Variants in ABCB1 observed in about 807,000 individuals in gnomAD.
ABCB1 encodes the protein ATP-dependent translocase ABCB1.
Under a neutral mutation model 142.0 loss-of-function variants are expected in ABCB1, and 69 were observed. That is an observed-to-expected ratio of 0.49 (90% CI 0.40 to 0.59). The LOEUF is 0.59. Ranked by LOEUF, ABCB1 falls within the 20% of genes least tolerant of loss-of-function variation. ABCB1 has a pLI of 0.00. For synonymous variants in ABCB1, 532 were observed against 539.2 expected, an observed-to-expected ratio of 0.99 and a Z score of 0.18; for missense variants, 1,326 against 1,554.7, an observed-to-expected ratio of 0.85 and a Z score of 2.47.
At chr7:87,584,960 C>A (rs937987243) in intron 4 of ABCB1, among the ~76,000 whole-genome samples, 4 of 147,774 alleles carry the variant, frequency 2.7e-5, no homozygotes, top group Admixed American at 2.0e-4. Flanking sequence ...TACCCCCCCA[C>A]ACACACACAC....
intron 1 of ABCB1, among the ~76,000 whole-genome samples, chr7:87,668,770 G>T (rs969387243): frequency 6.6e-6 from 1 of 151,950 alleles, no homozygotes; most frequent in African/African-American, 2.4e-5. Context: ...TTTAATTTCT[G>T]TGTGATTGCA....
intron 3 of ABCB1, 81 bp downstream of exon 3, chr7:87,595,685 T>G: frequency 8.5e-7 from 1 of 1,170,810 alleles, no homozygotes; most frequent in South Asian, 1.3e-5. Flanking sequence ...AAATCTTACA[T>G]CAGATGAAAT....
At chr7:87,610,812 A>G (rs1236861078) in intron 1 of ABCB1, among the ~76,000 whole-genome samples, 1 of 152,136 alleles carries the variant, frequency 6.6e-6, no homozygotes, top group African/African-American at 2.4e-5. Context: ...CTGCCCCCAC[A>G]TTGGCTTCTC....
intron 20 of ABCB1, among the ~76,000 whole-genome samples, chr7:87,534,135 G>A (rs1245536778): frequency 6.6e-6 from 1 of 152,112 alleles, no homozygotes; most frequent in Non-Finnish European, 1.5e-5. Context: ...AACACCAGAG[G>A]AATTTGAGAG....
intron 1 of ABCB1, among the ~76,000 whole-genome samples, chr7:87,699,629 C>A (rs942173336): frequency 7.2e-5 from 11 of 152,202 alleles, no homozygotes; most frequent in Non-Finnish European, 1.5e-4. Flanking sequence ...TGGCCTCGAA[C>A]TCCTGGCCTC....
At chr7:87,710,574 G>C (rs1300532072) in intron 1 of ABCB1, 1 of 1,564,294 alleles carries the variant, frequency 6.4e-7, no homozygotes. Flanking sequence ...TTTTAGGGTA[G>C]AGCCTGGATC....
chr7:87,536,606 C>T, intron 19 of ABCB1, 65 bp from the exon 20 acceptor site: 1 of 1,480,204 alleles, frequency 6.8e-7, no homozygotes, highest in Middle Eastern at 1.7e-4. Flanking sequence ...TCCAAGAGGG[C>T]AGCGATGGGG....
chr7:87,527,144 T>A (rs1324239678), intron 21 of ABCB1, among the ~76,000 whole-genome samples: 1 of 152,214 alleles, frequency 6.6e-6, no homozygotes, highest in East Asian at 1.9e-4. Flanking sequence ...TGACATTTTT[T>A]TAAAGCCAAA....
At chr7:87,709,684 T>C (rs1829897177) in intron 1 of ABCB1, among the ~76,000 whole-genome samples, 1 of 152,186 alleles carries the variant, frequency 6.6e-6, no homozygotes, top group Admixed American at 6.5e-5. Context: ...GAGTATGTTT[T>C]TTCCCTTTCT....
rs200942041 is a variant in ABCB1 at position 87,549,873 on chromosome 7, T to C, written c.1532A>G (p.Asp511Gly). The C allele has an allele frequency of 6.2e-7, 1 of 1,614,198 alleles. No homozygotes were observed. Among genetic ancestry groups the C allele is most frequent in the Middle Eastern group, 1.6e-4 (1 of 6,062 alleles). ...EKAVKEANAY[D>G]FIMKLPHKFD... ...TACATGAGGCAGTTTCATGATAAAG[T>C]CATAGGCATTGGCTTCCTTGACAGC... Residue 511 changes from aspartate to glycine, a missense_variant, in exon 13 of 28, where the codon GAC (aspartate) becomes GGC (glycine). Physicochemically the swap from Asp to Gly is moderately conservative, Grantham distance 94. Transcript: ENST00000622132.
intron 1 of ABCB1, among the ~76,000 whole-genome samples, chr7:87,701,076 AAATGGG>A (rs1828994532): frequency 1.3e-5 from 2 of 152,364 alleles, no homozygotes; most frequent in Admixed American, 1.3e-4. Flanking sequence ...CTGAGTAATA[AAATGGG>A]AAGTATGCAT....
rs1209017436 is a variant in ABCB1 at position 87,549,194 on chromosome 7, T to C, written c.1725+154A>G. Among the ~76,000 whole-genome samples, 1 of 152,180 alleles carries C rather than the reference T, an allele frequency of 6.6e-6. No individual in the cohort carries two copies. Among genetic ancestry groups the C allele is most frequent in the Non-Finnish European group, 1.5e-5 (1 of 68,032 alleles). On this transcript the variant is annotated intron_variant, in intron 14 of 27. Transcript: ENST00000622132. ...AATAAAACAAACAAATAGAAAAAGATTTCAAAGAGGCCCAATGCTTTTATT... is the reference window on the plus strand; with the variant it reads ...AATAAAACAAACAAATAGAAAAAGACTTCAAAGAGGCCCAATGCTTTTATT...
intron 1 of ABCB1, among the ~76,000 whole-genome samples, chr7:87,644,500 AC>A (rs1443054968): frequency 2.0e-5 from 3 of 152,194 alleles, no homozygotes; most frequent in Non-Finnish European, 4.4e-5. Context: ...TCTATTAAAA[AC>A]ATCACTCTTA....
At chr7:87,546,977 A>T (rs1235232827) in intron 14 of ABCB1, among the ~76,000 whole-genome samples, 2 of 152,224 alleles carry the variant, frequency 1.3e-5, no homozygotes, top group Non-Finnish European at 2.9e-5. Context: ...ATCCATAGTT[A>T]GTGATACTTA....
At chr7:87,709,150 C>G (rs776090901) in intron 1 of ABCB1, 20 of 524,228 alleles carry the variant, frequency 3.8e-5, no homozygotes, top group Non-Finnish European at 4.6e-5. Flanking sequence ...CATTCAAATA[C>G]AGGAAACTAA....
chr7:87,541,521 C>T, intron 17 of ABCB1, 57 bp from the exon 18 acceptor site: 1 of 1,206,906 alleles, frequency 8.3e-7, no homozygotes, highest in Admixed American at 1.7e-5. Flanking sequence ...CCATCCTGGA[C>T]CTGACCCATT....
intron 1 of ABCB1, among the ~76,000 whole-genome samples, chr7:87,677,274 AACACACACACACACACACACAC>A (rs57009840): frequency 1.5e-5 from 2 of 135,898 alleles, no homozygotes; most frequent in African/African-American, 5.6e-5. Context: ...CAGTGTATAT[AACACACACACACACACACACAC>A]ACACACACAC....
At chr7:87,658,696 A>G (rs1824380819) in intron 1 of ABCB1, among the ~76,000 whole-genome samples, 1 of 152,232 alleles carries the variant, frequency 6.6e-6, no homozygotes, top group Non-Finnish European at 1.5e-5. Context: ...ATCAGAAACC[A>G]TGGAGGCCAG....
chr7:87,659,289 T>G lies in ABCB1; in HGVS notation c.-331+53872A>C, dbSNP rs28381751. ...TCTGTTTGTTCCCCCTGTTCTTGGT[T>G]TCTCTGTTTTCTTTTTTCTGTCTTC... On this transcript the variant is annotated intron_variant, in intron 1 of 28. Transcript: ENST00000265724. 831 of 377,496 alleles carry G rather than the reference T, an allele frequency of 2.2e-3. 4 individuals carry two copies. The highest frequency in any genetic ancestry group is 0.017 in the African/African-American group (765 of 46,208). The allele number at this position is 377,496 out of a possible 1,614,324, so 23.4% of individuals were successfully genotyped here.
Sources: gnomAD v4.1 joint callset for allele counts (sites outside exome capture counted in the v4.1 genomes callset) on GRCh38, gnomAD v4.1.1 for gene constraint, MANE v1.5 for transcripts, NCBI Gene and HGNC (gene_info 2026-07-23, HGNC 2026-07-21) for gene names.